FOXK1: variants seen among roughly 807,000 people sequenced by gnomAD.
The protein encoded by FOXK1 is forkhead box K1, also known as forkhead box protein K1.
A neutral mutation model predicts 51.9 loss-of-function variants in FOXK1; 19 were observed. The observed-to-expected ratio is 0.37, with a 90% CI of 0.26 to 0.54. The LOEUF (loss-of-function observed/expected upper bound fraction) is 0.54, where lower values mean the gene tolerates loss of function less well. Among genes scored for constraint, FOXK1 ranks in the 20% least tolerant of loss-of-function variants. The pLI is 0.87. For synonymous variants in FOXK1, 537 were observed against 482.6 expected, an observed-to-expected ratio of 1.11 and a Z score of -1.48; for missense variants, 870 against 1,032.7, an observed-to-expected ratio of 0.84 and a Z score of 2.16.
At chr7:4,720,143 T>C (rs549724347) in intron 1 of FOXK1, among the ~76,000 whole-genome samples, 1 of 152,372 alleles carries the variant, frequency 6.6e-6, no homozygotes, top group South Asian at 2.1e-4. Context: ...TCTCCCTGGC[T>C]GCCTTGTTTC....
chr7:4,704,991 C>T lies in FOXK1; in HGVS notation c.560+22123C>T, dbSNP rs190376972. On this transcript the variant is annotated intron_variant, in intron 1 of 8. Transcript: ENST00000328914. ...GGACTACAGGCACATGCCACCACGC[C>T]CGGCTAACTTTTGTATTTTTAGTAG... Among the ~76,000 whole-genome samples, 547 of 149,222 alleles carry T rather than the reference C, an allele frequency of 3.7e-3. 2 individuals carry two copies. Among genetic ancestry groups the T allele is most frequent in the Non-Finnish European group, 5.7e-3 (384 of 67,320 alleles).
In FOXK1 at chr7:4,709,776, C is replaced by T. The variant is rs997482798; in HGVS notation, c.560+26908C>T. 2.0e-5 allele frequency among the ~76,000 whole-genome samples: 3 copies of T among 152,192 alleles called. No homozygotes were observed. Among genetic ancestry groups the T allele is most frequent in the Non-Finnish European group, 4.4e-5 (3 of 68,042 alleles). ...TAATTCTTGGCGTTGAGTGACCTCA[C>T]GATGTGCTGTCCGTCTTCTCGCTGT... is the stretch of plus-strand genomic sequence containing the variant. On this transcript the variant is annotated intron_variant, in intron 1 of 8. Coordinates refer to ENST00000328914, the MANE Select transcript of FOXK1 (RefSeq NM_001037165.2). This position sits in a 1 kb window ranked among gnomAD's most constrained non-coding sequence, Gnocchi z 5.6.
At chr7:4,696,115 CAAAA>C (rs1192472036) in intron 1 of FOXK1, among the ~76,000 whole-genome samples, 4 of 80,122 alleles carry the variant, frequency 5.0e-5, no homozygotes, top group Non-Finnish European at 8.3e-5. Flanking sequence ...GACTGTGTCT[CAAAA>C]AAAAAAAAAA....
intron 1 of FOXK1, among the ~76,000 whole-genome samples, chr7:4,728,427 T>C (rs1169811627): frequency 1.3e-5 from 2 of 152,242 alleles, no homozygotes; most frequent in African/African-American, 4.8e-5. Flanking sequence ...AACTTGTTTC[T>C]ATGCATTCAC....
In FOXK1 at chr7:4,765,605, G is replaced by A. The variant is rs1780999998; in HGVS notation, c.*3141G>A. On this transcript the variant is annotated 3_prime_UTR_variant, in exon 9 of 9. Coordinates refer to ENST00000328914, the MANE Select transcript of FOXK1 (RefSeq NM_001037165.2). Reference sequence around the variant, plus strand: ...CTGAGGGCCTGTTCTCTGGTCACCAGGGACTGGGGGCACGGTCCACAGCGG... The same window carrying A: ...CTGAGGGCCTGTTCTCTGGTCACCAAGGACTGGGGGCACGGTCCACAGCGG... The A allele has an allele frequency of 1.3e-5, 2 of 152,416 alleles. No individual in the cohort carries two copies. The highest frequency in any genetic ancestry group is 1.3e-4 in the Admixed American group (2 of 15,286). 9.4% of individuals were successfully genotyped at this position (152,416 alleles called of 1,614,324 possible). A position where few individuals can be genotyped will look rare whatever the true frequency, so the allele number is the denominator to read the frequency against.
At position 4,764,235 on chromosome 7, in the gene FOXK1, G is replaced by A. The variant is rs912311092; in HGVS notation, c.*1771G>A. On this transcript the variant is annotated 3_prime_UTR_variant, in exon 9 of 9. Coordinates refer to ENST00000328914, the MANE Select transcript of FOXK1 (RefSeq NM_001037165.2). ...CCCAGGACAAGTGCAGAACCTCTGT[G>A]GGCCCCCTCCTTCCACCTAGATAGA... The A allele has an allele frequency of 1.3e-5, 2 of 154,388 alleles. No individual in the cohort carries two copies. The highest frequency in any genetic ancestry group is 4.8e-5 in the African/African-American group (2 of 41,510). The allele number at this position is 154,388 out of a possible 1,614,324, so 9.6% of individuals were successfully genotyped here. A position where few individuals can be genotyped will look rare whatever the true frequency, so the allele number is the denominator to read the frequency against.
At position 4,758,852 on chromosome 7, in the gene FOXK1, C is replaced by G. The variant is rs377159663; in HGVS notation, c.1245-199C>G. The G allele has an allele frequency of 1.3e-5, 8 of 600,232 alleles. 1 individual carries two copies. In the South Asian group the frequency reaches 1.6e-4, roughly 12 times the overall value. The allele number at this position is 600,232 out of a possible 1,614,324, so 37.2% of individuals were successfully genotyped here. A position where few individuals can be genotyped will look rare whatever the true frequency, so the allele number is the denominator to read the frequency against. On this transcript the variant is annotated intron_variant, in intron 5 of 8. Coordinates refer to ENST00000328914, the MANE Select transcript of FOXK1 (RefSeq NM_001037165.2). This position sits in a 1 kb window ranked among gnomAD's most constrained non-coding sequence, Gnocchi z 4.4. Reference sequence around the variant, plus strand: ...CCCTCTCATGGAACGGAGCCTCCCCCATGCAGCCCCCACTCAAATGGAGTT... The same window carrying G: ...CCCTCTCATGGAACGGAGCCTCCCCGATGCAGCCCCCACTCAAATGGAGTT...
intron 1 of FOXK1, among the ~76,000 whole-genome samples, chr7:4,717,941 C>T (rs1333579754): frequency 6.6e-6 from 1 of 152,160 alleles, no homozygotes; most frequent in Non-Finnish European, 1.5e-5. Context: ...TTTGCCTCGT[C>T]ACGTTTTCTT....
At chr7:4,732,615 C>CCAAT (rs1370048264) in intron 1 of FOXK1, among the ~76,000 whole-genome samples, 2 of 152,154 alleles carry the variant, frequency 1.3e-5, no homozygotes, top group Non-Finnish European at 2.9e-5. Context: ...ACCGCGCCAG[C>CCAAT]CAATATGCAT....
chr7:4,731,188 T>A lies in FOXK1; in HGVS notation c.561-9650T>A, dbSNP rs971165398. 3.9e-5 allele frequency among the ~76,000 whole-genome samples: 6 copies of A among 152,154 alleles called. No individual in the cohort carries two copies. Among genetic ancestry groups the A allele is most frequent in the African/African-American group, 1.4e-4 (6 of 41,442 alleles). ...AGGTGGTGAGGGGCCTCCGAGGTGG[T>A]GGGTGAGCATCCCTGCAAGTCAAGC... On this transcript the variant is annotated intron_variant, in intron 1 of 8. Transcript: ENST00000328914. This position sits in a 1 kb window ranked among gnomAD's most constrained non-coding sequence, Gnocchi z 5.3.
chr7:4,708,435 C>G (rs972734716), intron 1 of FOXK1, among the ~76,000 whole-genome samples: 4 of 152,136 alleles, frequency 2.6e-5, no homozygotes, highest in African/African-American at 9.7e-5. Flanking sequence ...GGGAAGAGAC[C>G]ACTTCCTTGG....
intron 1 of FOXK1, among the ~76,000 whole-genome samples, chr7:4,698,282 G>A (rs1779978047): frequency 6.6e-6 from 1 of 151,312 alleles, no homozygotes; most frequent in African/African-American, 2.4e-5. Flanking sequence ...TATGTTATCT[G>A]AGAGTGCGAT....
intron 1 of FOXK1, among the ~76,000 whole-genome samples, chr7:4,724,185 G>A (rs945381392): frequency 6.6e-6 from 1 of 151,790 alleles, no homozygotes; most frequent in African/African-American, 2.4e-5. Flanking sequence ...TTGTGTTTTG[G>A]GGGTGGTTGT....
In FOXK1 at chr7:4,747,622, A is replaced by G. The variant is rs376754080; in HGVS notation, c.746+6599A>G. ...ACAGTCACAGCTCACTGCAACCTCA[A>G]CCTCCCGGGCTCAAGCGATCCTCCC... On this transcript the variant is annotated intron_variant, in intron 2 of 8. Transcript: ENST00000328914. This position sits in a 1 kb window ranked among gnomAD's most constrained non-coding sequence, Gnocchi z 9.2. Among the ~76,000 whole-genome samples the G allele has an allele frequency of 2.6e-5, 4 of 151,738 alleles. No homozygotes were observed. The highest frequency in any genetic ancestry group is 9.7e-5 in the African/African-American group (4 of 41,286).
Position 4,729,492 on chromosome 7 carries a change from G to A in FOXK1, c.561-11346G>A, listed in dbSNP as rs1030722009. 6.6e-6 allele frequency among the ~76,000 whole-genome samples: 1 copy of A among 152,148 alleles called. No homozygotes were observed. The highest frequency in any genetic ancestry group is 1.9e-4 in the East Asian group (1 of 5,184). Reference sequence around the variant, plus strand: ...AGGAGCTGTGAACACCGAGGGTGCCGTCCTCGCCTGTGCTGCCATGGGGTG... The same window carrying A: ...AGGAGCTGTGAACACCGAGGGTGCCATCCTCGCCTGTGCTGCCATGGGGTG... On this transcript the variant is annotated intron_variant, in intron 1 of 8. Coordinates refer to ENST00000328914, the MANE Select transcript of FOXK1 (RefSeq NM_001037165.2). The surrounding 1 kb of genome is among the most constrained non-coding windows in gnomAD (Gnocchi z 6.2).
rs75247038 is a variant in FOXK1, at chr7:4,753,688, C to T, written c.747-771C>T. Among the ~76,000 whole-genome samples, 226 of 152,302 alleles carry T rather than the reference C, an allele frequency of 1.5e-3. No homozygotes were observed. Among genetic ancestry groups the T allele is most frequent in the African/African-American group, 5.0e-3 (206 of 41,572 alleles). ...ATCATTTTCAGAAGCAAAACATCGC[C>T]GTGGTTTGCTGACGGAAGCCTGCCT... On this transcript the variant is annotated intron_variant, in intron 2 of 8. Transcript: ENST00000328914. The surrounding 1 kb of genome is among the most constrained non-coding windows in gnomAD (Gnocchi z 4.9).
rs957399377 is a variant in FOXK1, at chr7:4,683,314, C to T, written c.560+446C>T. On this transcript the variant is annotated intron_variant, in intron 1 of 8. Coordinates refer to ENST00000328914, the MANE Select transcript of FOXK1 (RefSeq NM_001037165.2). This position sits in a 1 kb window ranked among gnomAD's most constrained non-coding sequence, Gnocchi z 4.5. ...ATCCCTGCTGCTCCCCAGCTCCCAT[C>T]GGCCTGGACTCCGGGGTCATTCTGA... Among the ~76,000 whole-genome samples, 60 of 152,106 alleles carry T rather than the reference C, an allele frequency of 3.9e-4. No homozygotes were observed. Among genetic ancestry groups the T allele is most frequent in the African/African-American group, 1.3e-3 (53 of 41,490 alleles).
chr7:4,689,968 T>C (rs568178629), intron 1 of FOXK1, among the ~76,000 whole-genome samples: 2 of 152,258 alleles, frequency 1.3e-5, no homozygotes, highest in South Asian at 4.1e-4. Flanking sequence ...GTCAGATCAG[T>C]CTCTTTCCAG....
At chr7:4,738,358 A>C (rs980456068) in intron 1 of FOXK1, among the ~76,000 whole-genome samples, 2 of 151,144 alleles carry the variant, frequency 1.3e-5, no homozygotes, top group African/African-American at 4.9e-5. Flanking sequence ...AATCGCTTGA[A>C]CCCAGGAGGT....
Sources: allele counts gnomAD v4.1 joint callset (sites outside exome capture counted in the v4.1 genomes callset), GRCh38; gene constraint gnomAD v4.1.1; non-coding constraint Gnocchi (gnomAD v3.1); transcripts MANE v1.5; gene names NCBI Gene and HGNC (gene_info 2026-07-23, HGNC 2026-07-21).